DERA: variants seen among roughly 807,000 people sequenced by gnomAD.
The protein encoded by DERA is deoxyribose-phosphate aldolase.
DERA carries 15 observed loss-of-function variants against 41.1 expected under a neutral mutation model. That is an observed-to-expected ratio of 0.37 (90% CI 0.24 to 0.56). The LOEUF is 0.56. Among genes scored for constraint, DERA ranks in the 20% least tolerant of loss-of-function variants. DERA has a pLI of 0.81. For synonymous variants in DERA, 139 were observed against 137.4 expected, an observed-to-expected ratio of 1.01 and a Z score of -0.08; for missense variants, 396 against 403.4, an observed-to-expected ratio of 0.98 and a Z score of 0.16.
At chr12:15,952,426 T>TGGG (rs1471479818) in intron 1 of DERA, among the ~76,000 whole-genome samples, 4 of 152,200 alleles carry the variant, frequency 2.6e-5, no homozygotes, top group African/African-American at 9.6e-5. Context: ...TTGGAGATCT[T>TGGG]CTCTGACTTC....
At chr12:16,022,294 T>C (rs1041633663) in intron 6 of DERA, among the ~76,000 whole-genome samples, 2 of 152,174 alleles carry the variant, frequency 1.3e-5, no homozygotes, top group Admixed American at 1.3e-4. Flanking sequence ...GCTCCCTCTT[T>C]GCCTTCTGCC....
rs544927278 is a variant in DERA, at chr12:16,003,608, T to C, written c.637+21172T>C. 1.0e-3 allele frequency among the ~76,000 whole-genome samples: 155 copies of C among 152,232 alleles called. No homozygotes were observed. Among genetic ancestry groups the C allele is most frequent in the Non-Finnish European group, 1.7e-3 (118 of 67,998 alleles). Reference sequence around the variant, plus strand: ...CTAGATGCCAACTAAAAACAACTGCTGGGGGCAGTGGAGAGGGAAGTAGAC... The same window carrying C: ...CTAGATGCCAACTAAAAACAACTGCCGGGGGCAGTGGAGAGGGAAGTAGAC... On this transcript the variant is annotated intron_variant, in intron 6 of 8. Transcript: ENST00000428559. The surrounding 1 kb of genome is among the most constrained non-coding windows in gnomAD (Gnocchi z 4.8).
At chr12:15,916,819 C>T (rs991348693) in intron 1 of DERA, among the ~76,000 whole-genome samples, 26 of 152,082 alleles carry the variant, frequency 1.7e-4, no homozygotes, top group African/African-American at 4.8e-4. Flanking sequence ...GCTGTGTTGC[C>T]TAGGCTGGTC....
chr12:15,982,943 A>G lies in DERA; in HGVS notation c.637+507A>G, dbSNP rs372593539. ...ATCTCTGTGAACAGCAGGTCTATCC[A>G]TTTAGACATCCAAGCTTGCAGCCTA... On this transcript the variant is annotated intron_variant, in intron 6 of 8. Transcript: ENST00000428559. The surrounding 1 kb of genome is among the most constrained non-coding windows in gnomAD (Gnocchi z 4.0). Among the ~76,000 whole-genome samples the G allele has an allele frequency of 1.3e-5, 2 of 152,230 alleles. No homozygotes were observed. Among genetic ancestry groups the G allele is most frequent in the East Asian group, 1.9e-4 (1 of 5,192 alleles).
chr12:15,961,880 G>A (rs1322802866), intron 4 of DERA, among the ~76,000 whole-genome samples: 3 of 152,100 alleles, frequency 2.0e-5, no homozygotes, highest in Admixed American at 6.6e-5. Flanking sequence ...AGTAGCTAGG[G>A]CTACAGGTGT....
chr12:15,946,127 T>A (rs1948446179), intron 1 of DERA, among the ~76,000 whole-genome samples: 1 of 152,218 alleles, frequency 6.6e-6, no homozygotes, highest in Non-Finnish European at 1.5e-5. Context: ...GGATTCGGTT[T>A]GCCAGTATTT....
Position 15,911,450 on chromosome 12 carries a change from T to C in DERA, c.31+36T>C. ...CGCGGGGCTCCCCATCCCCTCTCCC[T>C]CGCGTTCAGCGCCGCCGGGACTAGC... On this transcript the variant is annotated intron_variant, in intron 1 of 8. Transcript: ENST00000428559. This position sits in a 1 kb window ranked among gnomAD's most constrained non-coding sequence, Gnocchi z 4.5. The C allele has an allele frequency of 2.1e-6, 3 of 1,407,072 alleles. No individual in the cohort carries two copies. Among genetic ancestry groups the C allele is most frequent in the Non-Finnish European group, 1.8e-6 (2 of 1,086,728 alleles). The allele number at this position is 1,407,072 out of a possible 1,614,324, so 87.2% of individuals were successfully genotyped here. A position where few individuals can be genotyped will look rare whatever the true frequency, so the allele number is the denominator to read the frequency against.
chr12:16,007,323 A>G (rs1948918984), intron 6 of DERA, among the ~76,000 whole-genome samples: 1 of 151,982 alleles, frequency 6.6e-6, no homozygotes, highest in South Asian at 2.1e-4. Context: ...AGCTGGGATT[A>G]AAAGCATGCA....
At chr12:16,018,974 A>AT (rs1202754014) in intron 6 of DERA, among the ~76,000 whole-genome samples, 1 of 152,100 alleles carries the variant, frequency 6.6e-6, no homozygotes, top group Non-Finnish European at 1.5e-5. Context: ...AATTTGAGAT[A>AT]TTTTCTCATA....
rs757653520 is a variant in DERA, at chr12:15,958,215, T to G, written c.157T>G (p.Phe53Val). The G allele has an allele frequency of 6.3e-7, 1 of 1,582,306 alleles. No homozygotes were observed. The highest frequency in any genetic ancestry group is 1.2e-5 in the South Asian group (1 of 85,566). Residue 53 changes from phenylalanine (F) to valine (V), a missense_variant, in exon 3 of 9, where the codon TTT (phenylalanine) becomes GTT (valine). Coordinates refer to ENST00000428559, the MANE Select transcript of DERA (RefSeq NM_015954.4). ...TGCTTGGCTCCTGAAAGCTGTTACC[T>G]TTATAGATCTTACTACACTTTCAGG... Reference protein sequence around the residue: ...QAAWLLKAVTFIDLTTLSGDD... With the variant: ...QAAWLLKAVTVIDLTTLSGDD...
intron 4 of DERA, among the ~76,000 whole-genome samples, chr12:15,960,497 G>A (rs1262715515): frequency 6.6e-6 from 1 of 151,226 alleles, no homozygotes; most frequent in Non-Finnish European, 1.5e-5. Context: ...AATTAGCCAG[G>A]CATGGTGGCA....
Position 16,003,151 on chromosome 12 carries a change from C to T in DERA, c.637+20715C>T, listed in dbSNP as rs1948887179. Among the ~76,000 whole-genome samples, 1 of 152,098 alleles carries T rather than the reference C, an allele frequency of 6.6e-6. No homozygotes were observed. The highest frequency in any genetic ancestry group is 6.5e-5 in the Admixed American group (1 of 15,270). ...TCCCCTTACTTGCAGGGGATTGTTG[C>T]CTATCTTTGGTGTTTCTTGGCTTGT... On this transcript the variant is annotated intron_variant, in intron 6 of 8. Transcript: ENST00000428559. This position sits in a 1 kb window ranked among gnomAD's most constrained non-coding sequence, Gnocchi z 4.8.
Position 16,003,790 on chromosome 12 carries a change from G to A in DERA, c.637+21354G>A, listed in dbSNP as rs1337307684. 2.0e-5 allele frequency among the ~76,000 whole-genome samples: 3 copies of A among 151,986 alleles called. No homozygotes were observed. The highest frequency in any genetic ancestry group is 4.8e-5 in the African/African-American group (2 of 41,388). ...CATAACTCCTCACTGCCCCTTCCCCGCAAAACCCTCTTTGTATCACCATCT... is the reference window on the plus strand; with the variant it reads ...CATAACTCCTCACTGCCCCTTCCCCACAAAACCCTCTTTGTATCACCATCT... On this transcript the variant is annotated intron_variant, in intron 6 of 8. Coordinates refer to ENST00000428559, the MANE Select transcript of DERA (RefSeq NM_015954.4). This position sits in a 1 kb window ranked among gnomAD's most constrained non-coding sequence, Gnocchi z 4.8.
chr12:15,948,536 T>C (rs1948469817), intron 1 of DERA, among the ~76,000 whole-genome samples: 1 of 152,212 alleles, frequency 6.6e-6, no homozygotes, highest in African/African-American at 2.4e-5. Context: ...CGTGCCATGG[T>C]TTTCAGCTCC....
In DERA at chr12:15,931,198, G is replaced by C. The variant is rs11056728; in HGVS notation, c.31+19784G>C. ...ACTTGCGTGACTAGCACAACATCCA[G>C]CATAAATAGCAGCTTTAGGAATAAC... On this transcript the variant is annotated intron_variant, in intron 1 of 8. Coordinates refer to ENST00000428559, the MANE Select transcript of DERA (RefSeq NM_015954.4). This position sits in a 1 kb window ranked among gnomAD's most constrained non-coding sequence, Gnocchi z 4.6. Among the ~76,000 whole-genome samples, 42 of 152,296 alleles carry C rather than the reference G, an allele frequency of 2.8e-4. No homozygotes were observed. Among genetic ancestry groups the C allele is most frequent in the Non-Finnish European group, 4.6e-4 (31 of 68,026 alleles).
chr12:16,036,904 C>A lies in DERA; in HGVS notation c.*158C>A. On this transcript the variant is annotated 3_prime_UTR_variant, in exon 9 of 9. Coordinates refer to ENST00000428559, the MANE Select transcript of DERA (RefSeq NM_015954.4). This position sits in a 1 kb window ranked among gnomAD's most constrained non-coding sequence, Gnocchi z 4.9. ...AACTTAATGGAATGGAAAAAGCAAACTCATCCACATGTGGTACTCATTTCA... is the reference window on the plus strand; with the variant it reads ...AACTTAATGGAATGGAAAAAGCAAAATCATCCACATGTGGTACTCATTTCA... 1.6e-6 allele frequency: 1 copy of A among 617,478 alleles called. No individual in the cohort carries two copies. 38.2% of individuals were successfully genotyped at this position (617,478 alleles called of 1,614,324 possible).
chr12:15,960,754 C>T (rs1224534434), intron 4 of DERA, among the ~76,000 whole-genome samples: 3 of 151,030 alleles, frequency 2.0e-5, no homozygotes, highest in East Asian at 1.9e-4. Context: ...GAGAAAGCAT[C>T]GTCGTGGAGA....
chr12:16,036,428 G>A lies in DERA; in HGVS notation c.900+47G>A, dbSNP rs527274316. The A allele has an allele frequency of 6.5e-7, 1 of 1,546,666 alleles. No homozygotes were observed. Among genetic ancestry groups the A allele is most frequent in the Admixed American group, 2.0e-5 (1 of 48,836 alleles). Reference sequence around the variant, plus strand: ...TGGAATAAATTAACAAGTGTTTTTTGAGAAAGGAATTGAAAAGTCAAATTG... The same window carrying A: ...TGGAATAAATTAACAAGTGTTTTTTAAGAAAGGAATTGAAAAGTCAAATTG... On this transcript the variant is annotated intron_variant, in intron 8 of 8. Coordinates refer to ENST00000428559, the MANE Select transcript of DERA (RefSeq NM_015954.4). This position sits in a 1 kb window ranked among gnomAD's most constrained non-coding sequence, Gnocchi z 4.9.
chr12:16,033,352 G>T (rs1949105550), intron 7 of DERA, among the ~76,000 whole-genome samples: 1 of 152,210 alleles, frequency 6.6e-6, no homozygotes, highest in Non-Finnish European at 1.5e-5. Context: ...TTTTATGGAA[G>T]TTGGATGTGC....
Sources: allele counts gnomAD v4.1 joint callset (sites outside exome capture counted in the v4.1 genomes callset), GRCh38; gene constraint gnomAD v4.1.1; non-coding constraint Gnocchi (gnomAD v3.1); transcripts MANE v1.5; gene names NCBI Gene and HGNC (gene_info 2026-07-23, HGNC 2026-07-21).